GARS1: variants seen among roughly 807,000 people sequenced by gnomAD.
GARS1 encodes glycyl-tRNA synthetase 1, also known as glycine--tRNA ligase.
In GARS1, 46 loss-of-function variants were observed where a neutral mutation model predicts 86.4. The ratio of observed to expected loss-of-function variants is 0.53; its 90% confidence interval spans 0.42 to 0.68. The LOEUF is 0.68. Among genes scored for constraint, GARS1 ranks in the 30% least tolerant of loss-of-function variants. GARS1 has a pLI of 0.00. For synonymous variants in GARS1, 342 were observed against 329.8 expected (o/e 1.04, Z -0.40); for missense variants, 797 against 915.6 (o/e 0.87, Z 1.67).
At chr7:30,624,419 G>C (rs567131096) in intron 12 of GARS1, among the ~76,000 whole-genome samples, 2 of 152,276 alleles carry the variant, frequency 1.3e-5, no homozygotes, top group African/African-American at 4.8e-5. Context: ...AGATAATGGA[G>C]TATTTAAAGT....
chr7:30,616,687 G>T (rs1045914496), intron 9 of GARS1, among the ~76,000 whole-genome samples: 1 of 152,136 alleles, frequency 6.6e-6, no homozygotes, highest in Non-Finnish European at 1.5e-5. Flanking sequence ...AAATGATTAC[G>T]TGTACTCTAC....
intron 5 of GARS1, 114 bp from the exon 6 acceptor site, chr7:30,603,382 A>G: frequency 1.1e-6 from 1 of 870,096 alleles, no homozygotes; most frequent in Non-Finnish European, 1.9e-6. Flanking sequence ...TGTGGGATTC[A>G]TGTAAATTAA....
chr7:30,623,470 A>G (rs1416745471), intron 12 of GARS1, among the ~76,000 whole-genome samples: 2 of 152,186 alleles, frequency 1.3e-5, no homozygotes, highest in African/African-American at 4.8e-5. Flanking sequence ...TCAAATGAAA[A>G]TGTCACTGGA....
chr7:30,601,524 T>C (rs1216192207), intron 4 of GARS1, among the ~76,000 whole-genome samples: 1 of 152,224 alleles, frequency 6.6e-6, no homozygotes, highest in Non-Finnish European at 1.5e-5. Context: ...AATGATAGCA[T>C]AGTATTCTGT....
In GARS1 at chr7:30,594,968, T is replaced by A; in HGVS notation, c.47T>A (p.Leu16Gln). Reference protein sequence around the residue: ...PVLLRGARAALLLLLPPRLLA... With the variant: ...PVLLRGARAAQLLLLPPRLLA... Reference sequence around the variant, plus strand: ...CTGCTTAGAGGTGCTCGCGCCGCTCTGCTGCTGCTGCTGCCGCCCCGGCTC... The same window carrying A: ...CTGCTTAGAGGTGCTCGCGCCGCTCAGCTGCTGCTGCTGCCGCCCCGGCTC... Residue 16 changes from leucine (L) to glutamine (Q), a missense_variant, in exon 1 of 17, where the codon CTG becomes CAG. Physicochemically the swap from Leu to Gln is moderately radical, Grantham distance 113. Transcript: ENST00000389266. The A allele has an allele frequency of 6.4e-7, 1 of 1,558,010 alleles. No homozygotes were observed. The highest frequency in any genetic ancestry group is 8.7e-7 in the Non-Finnish European group (1 of 1,151,860).
At chr7:30,627,252 TAG>T in intron 13 of GARS1, 1 of 287,780 alleles carries the variant, frequency 3.5e-6, no homozygotes, top group Non-Finnish European at 7.0e-6. Context: ...TGAGCAGTGT[TAG>T]GAGTAAGCGG....
chr7:30,625,346 C>T (rs981624758), intron 12 of GARS1, among the ~76,000 whole-genome samples: 3 of 152,182 alleles, frequency 2.0e-5, no homozygotes, highest in Non-Finnish European at 2.9e-5. Flanking sequence ...TGAATGCATG[C>T]ACACACAGAC....
At chr7:30,627,231 C>G (rs1181868226) in intron 13 of GARS1, 3 of 347,192 alleles carry the variant, frequency 8.6e-6, no homozygotes, top group African/African-American at 6.5e-5. Flanking sequence ...TGTCTTGTAG[C>G]CAGGCTTCAG....
chr7:30,632,470 T>G lies in GARS1; in HGVS notation c.2094+33T>G. On this transcript the variant is annotated intron_variant, in intron 16 of 16. Transcript: ENST00000389266. The surrounding 1 kb of genome is among the most constrained non-coding windows in gnomAD (Gnocchi z 4.1). The stretch of plus-strand genomic sequence containing the variant: ...GCCTTCTCTTTGGCATTTTTAGCCT[T>G]AGAAATGTGTACTGCTTCTTACTGA... 2 of 1,599,516 alleles carry G rather than the reference T, an allele frequency of 1.3e-6. No individual in the cohort carries two copies. The highest frequency in any genetic ancestry group is 4.5e-5 in the East Asian group (2 of 44,822).
At chr7:30,598,546 G>A (rs1025111513) in intron 1 of GARS1, among the ~76,000 whole-genome samples, 5 of 151,828 alleles carry the variant, frequency 3.3e-5, no homozygotes, top group Admixed American at 2.6e-4. Flanking sequence ...CCACCACCAC[G>A]GCCGGCTAAT....
At chr7:30,631,297 A>G (rs1783230407) in intron 14 of GARS1, 151 bp from the exon 15 acceptor site, 1 of 602,568 alleles carries the variant, frequency 1.7e-6, no homozygotes, top group Non-Finnish European at 3.0e-6. Flanking sequence ...CTCTTTTGCC[A>G]TACTGCTTTT....
intron 14 of GARS1, among the ~76,000 whole-genome samples, chr7:30,630,332 A>G (rs1370485209): frequency 1.3e-5 from 2 of 152,114 alleles, no homozygotes; most frequent in Non-Finnish European, 2.9e-5. Context: ...ATAAAGGTTA[A>G]TTGAACTTTG....
At chr7:30,626,852 G>T (rs533147258) in intron 13 of GARS1, among the ~76,000 whole-genome samples, 2 of 152,104 alleles carry the variant, frequency 1.3e-5, no homozygotes, top group South Asian at 4.1e-4. Context: ...ATGGAGACAC[G>T]CACGTGTAAT....
chr7:30,599,917 C>T, intron 2 of GARS1, 30 bp from the exon 3 acceptor site: 1 of 1,367,944 alleles, frequency 7.3e-7, no homozygotes, highest in Non-Finnish European at 1.0e-6. Flanking sequence ...CACCCCTCCA[C>T]TCACTCACTT....
chr7:30,612,999 C>T (rs1395488036), intron 8 of GARS1, among the ~76,000 whole-genome samples: 2 of 152,138 alleles, frequency 1.3e-5, no homozygotes, highest in Non-Finnish European at 2.9e-5. Context: ...TGTAGCTAAA[C>T]ATAACTTTCT....
chr7:30,618,615 C>CA (rs1388749400), intron 10 of GARS1, among the ~76,000 whole-genome samples: 1 of 152,182 alleles, frequency 6.6e-6, no homozygotes, highest in Non-Finnish European at 1.5e-5. Flanking sequence ...GCCTGGGTGA[C>CA]AGAGTGAGGC....
At chr7:30,615,788 A>G in intron 8 of GARS1, 108 bp from the exon 9 acceptor site, 1 of 1,252,616 alleles carries the variant, frequency 8.0e-7, no homozygotes, top group Non-Finnish European at 1.1e-6. Context: ...CCACTATAGT[A>G]TGGAGCCTTT....
intron 3 of GARS1, among the ~76,000 whole-genome samples, chr7:30,600,477 A>T (rs1439880825): frequency 6.6e-6 from 1 of 152,220 alleles, no homozygotes; most frequent in Non-Finnish European, 1.5e-5. Flanking sequence ...CTTCCCAGGG[A>T]TGTAGATAAA....
intron 8 of GARS1, among the ~76,000 whole-genome samples, chr7:30,613,743 T>G (rs1389192990): frequency 6.6e-6 from 1 of 152,220 alleles, no homozygotes; most frequent in Non-Finnish European, 1.5e-5. Context: ...GTTATGTCCC[T>G]TGCAAGTTCC....
Sources: gnomAD v4.1 joint callset for allele counts (sites outside exome capture counted in the v4.1 genomes callset) on GRCh38, gnomAD v4.1.1 for gene constraint, Gnocchi (gnomAD v3.1) non-coding constraint, MANE v1.5 for transcripts, NCBI Gene and HGNC (gene_info 2026-07-23, HGNC 2026-07-21) for gene names.